The following SART1 variants were observed in gnomAD, a reference collection of about 807,000 sequenced individuals.
SART1 encodes the protein spliceosome associated factor 1, recruiter of U4/U6.U5 tri-snRNP.
Under a neutral mutation model 105.0 loss-of-function variants are expected in SART1, and 28 were observed. The ratio of observed to expected loss-of-function variants is 0.27; its 90% CI spans 0.20 to 0.37. SART1 has a LOEUF of 0.37. Ranked by LOEUF, SART1 falls within the 10% of genes least tolerant of loss-of-function variation. The pLI is 1.00. For synonymous variants in SART1, 472 were observed against 462.9 expected (o/e 1.02, Z -0.25); for missense variants, 894 against 1,106.5 (o/e 0.81, Z 2.72).
Position 65,976,820 on chromosome 11 carries a change from G to A in SART1, c.1857+54G>A, listed in dbSNP as rs1447742812. ...GTTTGGGGGTGCTCAAGCTGGAGAT[G>A]AGCACCGGGCTCGGTGTCCAGAGCC... On this transcript the variant is annotated intron_variant, in intron 14 of 19. Transcript: ENST00000312397. The surrounding 1 kb of genome is among the most constrained non-coding windows in gnomAD (Gnocchi z 5.1). The A allele has an allele frequency of 2.1e-6, 3 of 1,443,368 alleles. No individual in the cohort carries two copies. The highest frequency in any genetic ancestry group is 2.9e-6 in the Non-Finnish European group (3 of 1,050,434). The allele number at this position is 1,443,368 out of a possible 1,614,324, so 89.4% of individuals were successfully genotyped here.
At position 65,977,745 on chromosome 11, in the gene SART1, C is replaced by T; in HGVS notation, c.2037-19C>T. ...AGGCGGCAGCTCCTCACACTAAGGC[C>T]TCCTCTGTCTCGGGCCAGGGCCATC... On this transcript the variant is annotated intron_variant, in intron 16 of 19. Coordinates refer to ENST00000312397, the MANE Select transcript of SART1 (RefSeq NM_005146.5). 2 of 1,614,002 alleles carry T rather than the reference C, an allele frequency of 1.2e-6. No homozygotes were observed. Among genetic ancestry groups the T allele is most frequent in the Non-Finnish European group, 1.7e-6 (2 of 1,179,980 alleles).
rs149311843 is a variant in SART1 at position 65,977,857 on chromosome 11, C to T, written c.2130C>T (p.Ile710=). ...ACGGCTACAAACCCGACGTTAAGATCGAATACGTGGATGAGACGGGCCGGA... is the reference window on the plus strand; with the variant it reads ...ACGGCTACAAACCCGACGTTAAGATTGAATACGTGGATGAGACGGGCCGGA... ...EKDGYKPDVK[I]EYVDETGRKL... is the part of the protein sequence containing the mutation. Residue 710 remains isoleucine, a synonymous_variant, in exon 17 of 20, where the codon ATC becomes ATT. Transcript: ENST00000312397. 5.9e-5 allele frequency: 96 copies of T among 1,613,804 alleles called. 1 individual carries two copies. In the African/African-American group the frequency reaches 6.9e-4, roughly 12 times the overall value.
In SART1 at chr11:65,961,768, T is replaced by C. The variant is rs1855146399; in HGVS notation, c.-13T>C. The C allele has an allele frequency of 6.7e-7, 1 of 1,485,760 alleles. No homozygotes were observed. The highest frequency in any genetic ancestry group is 8.9e-7 in the Non-Finnish European group (1 of 1,124,232). 92.0% of individuals were successfully genotyped at this position (1,485,760 alleles called of 1,614,324 possible). A position where few individuals can be genotyped will look rare whatever the true frequency, so the allele number is the denominator to read the frequency against. On this transcript the variant is annotated 5_prime_UTR_variant, in exon 1 of 20. Coordinates refer to ENST00000312397, the MANE Select transcript of SART1 (RefSeq NM_005146.5). ...GGCTCGGCGGCAGCCGGGCTCGGAGTGGACGTGCCACTATGGGGTCGTCCA... is the reference window on the plus strand; with the variant it reads ...GGCTCGGCGGCAGCCGGGCTCGGAGCGGACGTGCCACTATGGGGTCGTCCA...
Position 65,976,128 on chromosome 11 carries a change from G to A in SART1, c.1573-267G>A, listed in dbSNP as rs752902172. Among the ~76,000 whole-genome samples, 6 of 152,112 alleles carry A rather than the reference G, an allele frequency of 3.9e-5. No individual in the cohort carries two copies. Among genetic ancestry groups the A allele is most frequent in the Non-Finnish European group, 5.9e-5 (4 of 68,008 alleles). The stretch of plus-strand genomic sequence containing the variant: ...TAGTGTGTGAGGGGCTTTGGAGGGG[G>A]ATTGGCACAGGCCTGGTCAGGAAGG... On this transcript the variant is annotated intron_variant, in intron 12 of 19. Transcript: ENST00000312397. The surrounding 1 kb of genome is among the most constrained non-coding windows in gnomAD (Gnocchi z 5.1).
chr11:65,964,495 C>G lies in SART1; in HGVS notation c.372-20C>G, dbSNP rs1374364115. On this transcript the variant is annotated intron_variant, in intron 2 of 19. Transcript: ENST00000312397. ...CCTGTGTCTTTAATAGCCCCTAACA[C>G]TTGTATCTCTTGTTGTCAGCAAACT... 1 of 1,612,888 alleles carries G rather than the reference C, an allele frequency of 6.2e-7. No homozygotes were observed. The highest frequency in any genetic ancestry group is 1.3e-5 in the African/African-American group (1 of 74,866).
chr11:65,971,990 C>G (rs1855388076), intron 12 of SART1, among the ~76,000 whole-genome samples: 1 of 151,984 alleles, frequency 6.6e-6, no homozygotes. Context: ...GTGACTCTAT[C>G]TCAGCTCACT....
At chr11:65,971,609 G>T (rs1855381368) in intron 12 of SART1, among the ~76,000 whole-genome samples, 1 of 119,366 alleles carries the variant, frequency 8.4e-6, no homozygotes, top group Non-Finnish European at 1.8e-5. Context: ...TTCAGGAGCT[G>T]CTGAGGAGGG....
At chr11:65,977,177 C>G in intron 15 of SART1, 76 bp downstream of exon 15, 1 of 1,028,392 alleles carries the variant, frequency 9.7e-7, no homozygotes, top group Non-Finnish European at 1.5e-6. Flanking sequence ...CCCTCCGGTC[C>G]CCTCTGCTGC....
In SART1 at chr11:65,966,056, C is replaced by G. The variant is rs566458236; in HGVS notation, c.839-20C>G. The G allele has an allele frequency of 2.5e-6, 4 of 1,613,836 alleles. No individual in the cohort carries two copies. In the East Asian group the frequency reaches 8.9e-5, roughly 36 times the overall value. ...AGTTGCGGACAAGTGTGAATGGCCA[C>G]TGCTCTGTGCTGCCCCCAGGCGTGC... On this transcript the variant is annotated intron_variant, in intron 7 of 19. Coordinates refer to ENST00000312397, the MANE Select transcript of SART1 (RefSeq NM_005146.5).
At chr11:65,964,819 A>G (rs1855214231) in intron 3 of SART1, among the ~76,000 whole-genome samples, 1 of 152,178 alleles carries the variant, frequency 6.6e-6, no homozygotes, top group South Asian at 2.1e-4. Flanking sequence ...GAAGATGTGC[A>G]CACTTGCTGC....
At chr11:65,977,154 T>C in intron 15 of SART1, 53 bp downstream of exon 15, 1 of 1,369,508 alleles carries the variant, frequency 7.3e-7, no homozygotes, top group Non-Finnish European at 1.0e-6. Context: ...CTGCTGCAGG[T>C]GCAGGCAGGG....
At position 65,962,099 on chromosome 11, in the gene SART1, G is replaced by A; in HGVS notation, c.313+6G>A. 6.9e-7 allele frequency: 1 copy of A among 1,445,682 alleles called. No individual in the cohort carries two copies. The highest frequency in any genetic ancestry group is 1.4e-5 in the South Asian group (1 of 72,798). 89.6% of individuals were successfully genotyped at this position (1,445,682 alleles called of 1,614,324 possible). A position where few individuals can be genotyped will look rare whatever the true frequency, so the allele number is the denominator to read the frequency against. Reference sequence around the variant, plus strand: ...CGATGACGGCTACGAGGCCGGTGAGGAGGCGGGGCCTGCGCAGGGGGCGGG... The same window carrying A: ...CGATGACGGCTACGAGGCCGGTGAGAAGGCGGGGCCTGCGCAGGGGGCGGG... On this transcript the variant is annotated splice_donor_region_variant and intron_variant, in intron 1 of 19. Transcript: ENST00000312397.
chr11:65,964,604 A>G (rs2134903019), intron 3 of SART1, 34 bp downstream of exon 3: 1 of 1,590,530 alleles, frequency 6.3e-7, no homozygotes. Context: ...GTTTGGGGGA[A>G]AGAGGCCATC....
rs528254318 is a variant in SART1, at chr11:65,965,456, C to T, written c.660+9C>T. On this transcript the variant is annotated intron_variant, in intron 5 of 19. Transcript: ENST00000312397. ...ACCTGGCAGAGAAGAGGGTGAGCACCTGGGCAGCATGGGGTGGTCGCCTAG... is the reference window on the plus strand; with the variant it reads ...ACCTGGCAGAGAAGAGGGTGAGCACTTGGGCAGCATGGGGTGGTCGCCTAG... 6.4e-6 allele frequency: 10 copies of T among 1,552,594 alleles called. No homozygotes were observed. The East Asian group carries it at 2.2e-4, about 34-fold the overall frequency.
At chr11:65,964,937 G>T (rs867443567) in intron 3 of SART1, 155 bp from the exon 4 acceptor site, 65 of 981,238 alleles carry the variant, frequency 6.6e-5, no homozygotes, top group South Asian at 2.6e-4. Context: ...GGCCAGGAGT[G>T]TGGGGACGAA....
chr11:65,964,684 T>A, intron 3 of SART1, 114 bp downstream of exon 3: 1 of 1,068,188 alleles, frequency 9.4e-7, no homozygotes, highest in Non-Finnish European at 1.3e-6. Context: ...TACACATGCA[T>A]ATTTGCCGGA....
chr11:65,962,130 C>CCGGGGGGGGGGGGGGGGGGGGG, intron 1 of SART1, 37 bp downstream of exon 1: 2 of 111,092 alleles, frequency 1.8e-5, no homozygotes, highest in South Asian at 1.0e-4. Context: ...GCGGGTCGGG[C>CCGGGGGGGGGGGGGGGGGGGGG]GGGGGTCCCG....
chr11:65,972,894 G>A (rs777878875), intron 12 of SART1, among the ~76,000 whole-genome samples: 6 of 152,026 alleles, frequency 3.9e-5, no homozygotes, highest in Admixed American at 6.5e-5. Flanking sequence ...GAACGTGGCC[G>A]GGCGCGATGG....
intron 12 of SART1, among the ~76,000 whole-genome samples, chr11:65,974,995 G>T (rs993009897): frequency 6.6e-6 from 1 of 152,010 alleles, no homozygotes; most frequent in Admixed American, 6.6e-5. Flanking sequence ...AGCTGAGATC[G>T]CGCCACTGCA....
Sources: gnomAD v4.1 joint callset for allele counts (sites outside exome capture counted in the v4.1 genomes callset) on GRCh38, gnomAD v4.1.1 for gene constraint, Gnocchi (gnomAD v3.1) non-coding constraint, MANE v1.5 for transcripts, NCBI Gene and HGNC (gene_info 2026-07-23, HGNC 2026-07-21) for gene names.